Variants in HCN2 observed in about 807,000 individuals in gnomAD.
HCN2 encodes hyperpolarization activated cyclic nucleotide gated potassium and sodium channel 2, also known as potassium/sodium hyperpolarization-activated cyclic nucleotide-gated channel 2.
Under a neutral mutation model 52.3 loss-of-function variants are expected in HCN2, and 20 were observed. The ratio of observed to expected loss-of-function variants is 0.38; its 90% CI spans 0.27 to 0.56. HCN2 has a LOEUF of 0.56. Among genes scored for constraint, HCN2 ranks in the 20% least tolerant of loss-of-function variants. The pLI is 0.71. For missense variants in HCN2, 981 were observed against 1,207.7 expected (o/e 0.81, Z 2.78); for synonymous variants, 694 against 537.0 (o/e 1.29, Z -4.04).
chr19:611,598 A>G (rs1399965191), intron 5 of HCN2, among the ~76,000 whole-genome samples: 4 of 152,210 alleles, frequency 2.6e-5, no homozygotes, highest in Non-Finnish European at 5.9e-5. Context: ...GTTTAATTGC[A>G]TTTGATGACT....
intron 1 of HCN2, among the ~76,000 whole-genome samples, chr19:599,860 G>A (rs1983149775): frequency 1.3e-5 from 1 of 74,860 alleles, no homozygotes. Flanking sequence ...GTGTGTGTGT[G>A]TGTGTGTGTG....
chr19:613,036 T>G (rs1313378285), intron 5 of HCN2, among the ~76,000 whole-genome samples: 1 of 152,212 alleles, frequency 6.6e-6, no homozygotes, highest in Non-Finnish European at 1.5e-5. Context: ...TATTGGCAGA[T>G]GTCGCCAATA....
chr19:599,772 A>C (rs1337395250), intron 1 of HCN2, among the ~76,000 whole-genome samples: 1 of 151,876 alleles, frequency 6.6e-6, no homozygotes, highest in African/African-American at 2.4e-5. Context: ...TGGGCGACAG[A>C]GTGAGACTCT....
At chr19:604,443 G>C (rs117963658) in intron 2 of HCN2, among the ~76,000 whole-genome samples, 13,062 of 147,046 alleles carry the variant, frequency 0.089, 883 homozygotes, top group Admixed American at 0.2. Context: ...GCAGGGGCAG[G>C]GCTATGATGC....
intron 1 of HCN2, among the ~76,000 whole-genome samples, chr19:595,107 C>T (rs750202940): frequency 3.3e-5 from 5 of 151,474 alleles, no homozygotes; most frequent in South Asian, 2.1e-4. Flanking sequence ...GAGGCTGAGG[C>T]GGGAGGATCA....
At chr19:610,524 C>T in intron 5 of HCN2, 119 bp downstream of exon 5, 1 of 880,492 alleles carries the variant, frequency 1.1e-6, no homozygotes, top group Non-Finnish European at 1.8e-6. Flanking sequence ...GCAGGAGGGA[C>T]TCGAGCTAGA....
chr19:605,282 C>T lies in HCN2; in HGVS notation c.1218+60C>T, dbSNP rs1046642690. The T allele has an allele frequency of 2.6e-6, 4 of 1,544,554 alleles. No individual in the cohort carries two copies. In the African/African-American group the frequency reaches 5.5e-5, roughly 21 times the overall value. On this transcript the variant is annotated intron_variant, in intron 3 of 7. Coordinates refer to ENST00000251287, the MANE Select transcript of HCN2 (RefSeq NM_001194.4). ...CAGGCTCCCATACAGAGGGGGGACC[C>T]AGGCCCCCTTATCCCGCTTACAGAG...
At chr19:596,526 G>C (rs536848315) in intron 1 of HCN2, among the ~76,000 whole-genome samples, 5 of 152,326 alleles carry the variant, frequency 3.3e-5, no homozygotes, top group Admixed American at 6.5e-5. Context: ...CCGAGGAAGG[G>C]GCCCTCGTAG....
At position 592,444 on chromosome 19, in the gene HCN2, C is replaced by T. The variant is rs941252955; in HGVS notation, c.632+1867C>T. Among the ~76,000 whole-genome samples the T allele has an allele frequency of 6.6e-6, 1 of 152,130 alleles. No individual in the cohort carries two copies. The highest frequency in any genetic ancestry group is 2.4e-5 in the African/African-American group (1 of 41,424). On this transcript the variant is annotated intron_variant, in intron 1 of 7. Transcript: ENST00000251287. The surrounding 1 kb of genome is among the most constrained non-coding windows in gnomAD (Gnocchi z 4.8). The stretch of plus-strand genomic sequence containing the variant: ...TAGGAGTGAAGCCCTCTCATCCTTC[C>T]ACCCTCCTTGGGCGTGGTCGCCTGG...
rs367969396 is a variant in HCN2, at chr19:614,023, G to C, written c.1990+7G>C. 6.4e-7 allele frequency: 1 copy of C among 1,568,762 alleles called. No homozygotes were observed. Among genetic ancestry groups the C allele is most frequent in the Admixed American group, 1.9e-5 (1 of 53,928 alleles). On this transcript the variant is annotated splice_region_variant and intron_variant, in intron 7 of 7. Transcript: ENST00000251287. ...GACCGCCTGGACCGCATCGGTGAGC[G>C]GGCCGGGGGCGTGGCCGGGGCGGGT...
At chr19:602,478 G>A (rs988698182) in intron 1 of HCN2, among the ~76,000 whole-genome samples, 3 of 152,062 alleles carry the variant, frequency 2.0e-5, no homozygotes, top group African/African-American at 4.8e-5. Context: ...TGCTGCCCTG[G>A]TTCAGTCTTC....
chr19:605,988 C>T (rs1032289392), intron 3 of HCN2, among the ~76,000 whole-genome samples: 5 of 152,208 alleles, frequency 3.3e-5, no homozygotes, highest in East Asian at 1.9e-4. Context: ...TGGGATCATC[C>T]GTGGAGAGAA....
Position 617,152 on chromosome 19 carries a change from G to T in HCN2, c.*678G>T, listed in dbSNP as rs1600547136. On this transcript the variant is annotated 3_prime_UTR_variant, in exon 8 of 8. Transcript: ENST00000251287. ...ATTCCGCGCAATAAACGACAGCATT[G>T]GCGCCAAGCCTGGCCGCGTGTGATT... The T allele has an allele frequency of 7.1e-6, 5 of 706,172 alleles. No individual in the cohort carries two copies. Among genetic ancestry groups the T allele is most frequent in the South Asian group, 1.5e-5 (1 of 68,202 alleles). 43.7% of individuals were successfully genotyped at this position (706,172 alleles called of 1,614,324 possible). A position where few individuals can be genotyped will look rare whatever the true frequency, so the allele number is the denominator to read the frequency against.
chr19:605,091 G>T lies in HCN2; in HGVS notation c.1087G>T (p.Ala363Ser). The T allele has an allele frequency of 6.2e-7, 1 of 1,611,864 alleles. No individual in the cohort carries two copies. The highest frequency in any genetic ancestry group is 8.5e-7 in the Non-Finnish European group (1 of 1,179,484). The change falls in exon 3 of 8, where the codon GCG (alanine) becomes TCG (serine). Residue 363 changes from alanine (A) to serine (S), a missense_variant. Ala to Ser is a moderately conservative substitution (Grantham distance 99). Coordinates refer to ENST00000251287, the MANE Select transcript of HCN2 (RefSeq NM_001194.4). The stretch of plus-strand genomic sequence containing the variant: ...CCACATGACCTATGACCTGGCCAGC[G>T]CGGTGATGAGGATCTGCAATCTCAT... ...IFHMTYDLAS[A>S]VMRICNLISM...
chr19:613,782 C>A, intron 6 of HCN2, 70 bp from the exon 7 acceptor site: 5 of 1,401,416 alleles, frequency 3.6e-6, no homozygotes, highest in Non-Finnish European at 3.7e-6. Context: ...GAGGCCGGGC[C>A]GTGTGCCTGG....
chr19:610,564 C>T (rs1049964646), intron 5 of HCN2, among the ~76,000 whole-genome samples, 159 bp downstream of exon 5: 3 of 152,094 alleles, frequency 2.0e-5, no homozygotes, highest in Admixed American at 6.5e-5. Flanking sequence ...CTCCCCGCCC[C>T]GTGAGCCTCT....
rs568075048 is a variant in HCN2, at chr19:608,047, G to A, written c.1302G>A (p.Ala434=). 7.0e-5 allele frequency: 113 copies of A among 1,612,900 alleles called. No individual in the cohort carries two copies. The Admixed American group carries it at 7.7e-4, about 11-fold the overall frequency. Residue 434 remains alanine, a synonymous_variant, in exon 4 of 8, where the codon GCG becomes GCA. Transcript: ENST00000251287. ...HMLCIGYGRQ[A]PESMTDIWLT... is the part of the protein sequence containing the mutation. Reference sequence around the variant, plus strand: ...TGTGCATCGGGTACGGCCGGCAGGCGCCCGAGAGCATGACGGACATCTGGC... The same window carrying A: ...TGTGCATCGGGTACGGCCGGCAGGCACCCGAGAGCATGACGGACATCTGGC...
chr19:617,012 T>TGCGCAGG lies in HCN2; in HGVS notation c.*543_*549dup, dbSNP rs1389245475. 1 of 496,476 alleles carries TGCGCAGG rather than the reference T, an allele frequency of 2.0e-6. No individual in the cohort carries two copies. 30.8% of individuals were successfully genotyped at this position (496,476 alleles called of 1,614,324 possible). On this transcript the variant is annotated 3_prime_UTR_variant, in exon 8 of 8. Transcript: ENST00000251287. ...ACTGGCACCGAGAGGCAGGCCTGGC[T>TGCGCAGG]GCGCAGGGCGCGGGGGGGAGGCTGG...
At chr19:609,242 C>T (rs1983524371) in intron 4 of HCN2, among the ~76,000 whole-genome samples, 1 of 152,210 alleles carries the variant, frequency 6.6e-6, no homozygotes, top group South Asian at 2.1e-4. Context: ...GGAAGTGAGG[C>T]TGGAGCTGCC....
Sources: allele counts gnomAD v4.1 joint callset (sites outside exome capture counted in the v4.1 genomes callset), GRCh38; gene constraint gnomAD v4.1.1; non-coding constraint Gnocchi (gnomAD v3.1); transcripts MANE v1.5; gene names NCBI Gene and HGNC (gene_info 2026-07-23, HGNC 2026-07-21).